Variants in NR6A1 observed in about 807,000 individuals in gnomAD.
NR6A1 encodes the protein retinoic acid receptor-related testis-associated receptor.
In NR6A1, 7 loss-of-function variants were observed where a neutral mutation model predicts 59.1. The observed-to-expected ratio is 0.12, with a 90% confidence interval of 0.07 to 0.22. The LOEUF (loss-of-function observed/expected upper bound fraction) is 0.22. NR6A1 is among the 10% of genes least tolerant of loss of function. The probability of loss-of-function intolerance (pLI) is 1.00; values close to 1 mark genes in which losing one functional copy is unlikely to be tolerated. For synonymous variants in NR6A1, 243 were observed against 236.1 expected (o/e 1.03, Z -0.27); for missense variants, 468 against 611.6 (o/e 0.77, Z 2.48).
intron 2 of NR6A1, among the ~76,000 whole-genome samples, chr9:124,687,778 A>T (rs549926165): frequency 6.6e-6 from 1 of 152,340 alleles, no homozygotes; most frequent in African/African-American, 2.4e-5. Flanking sequence ...GTGGGGGCAG[A>T]TGGGAAACTT....
At chr9:124,628,008 G>A (rs1370333965) in intron 2 of NR6A1, among the ~76,000 whole-genome samples, 1 of 149,354 alleles carries the variant, frequency 6.7e-6, no homozygotes. Flanking sequence ...ACTTTGTTTG[G>A]CCTTTGCTTT....
intron 1 of NR6A1, among the ~76,000 whole-genome samples, chr9:124,755,014 G>A (rs1233723202): frequency 2.0e-5 from 3 of 152,062 alleles, no homozygotes; most frequent in African/African-American, 7.2e-5. Context: ...CAAGTCTAAC[G>A]TTAAAGCTCA....
chr9:124,690,013 G>GTAA (rs1838474316), intron 2 of NR6A1, among the ~76,000 whole-genome samples: 2 of 152,152 alleles, frequency 1.3e-5, no homozygotes, highest in African/African-American at 2.4e-5. Context: ...GGATGAATCA[G>GTAA]AAAACTAGCA....
chr9:124,607,692 T>C (rs1024493134), intron 2 of NR6A1, among the ~76,000 whole-genome samples: 4 of 152,282 alleles, frequency 2.6e-5, no homozygotes, highest in African/African-American at 9.6e-5. Flanking sequence ...ACACAATGCC[T>C]GGCAAACAGT....
intron 2 of NR6A1, among the ~76,000 whole-genome samples, chr9:124,682,193 G>T (rs1838186346): frequency 6.6e-6 from 1 of 151,902 alleles, no homozygotes; most frequent in Admixed American, 6.6e-5. Flanking sequence ...GTAGAGACAG[G>T]GTTTCACCAT....
intron 2 of NR6A1, among the ~76,000 whole-genome samples, chr9:124,600,914 A>G (rs1835426513): frequency 6.6e-6 from 1 of 151,932 alleles, no homozygotes; most frequent in Non-Finnish European, 1.5e-5. Flanking sequence ...TTGTAATGCC[A>G]ATGCTATGTA....
intron 2 of NR6A1, among the ~76,000 whole-genome samples, chr9:124,719,565 G>A (rs1179408727): frequency 6.6e-6 from 1 of 152,106 alleles, no homozygotes; most frequent in African/African-American, 2.4e-5. Flanking sequence ...AGCAGGAAAC[G>A]TAAATGGGTA....
Position 124,522,518 on chromosome 9 carries a change from G to A in NR6A1, c.*187C>T, listed in dbSNP as rs566490839. The A allele has an allele frequency of 2.4e-5, 11 of 461,140 alleles. No individual in the cohort carries two copies. The highest frequency in any genetic ancestry group is 2.2e-4 in the East Asian group (6 of 27,816). The allele number at this position is 461,140 out of a possible 1,614,324, so 28.6% of individuals were successfully genotyped here. A position where few individuals can be genotyped will look rare whatever the true frequency, so the allele number is the denominator to read the frequency against. On this transcript the variant is annotated 3_prime_UTR_variant, in exon 10 of 10. Transcript: ENST00000487099. Reference sequence around the variant, plus strand: ...TGAAGGCCATACATTCAACTCTGTCGTGAAATAAATATATAGAAAAATGAG... The same window carrying A: ...TGAAGGCCATACATTCAACTCTGTCATGAAATAAATATATAGAAAAATGAG...
intron 2 of NR6A1, among the ~76,000 whole-genome samples, chr9:124,699,620 T>C (rs1368963023): frequency 6.6e-6 from 1 of 152,270 alleles, no homozygotes; most frequent in Non-Finnish European, 1.5e-5. Flanking sequence ...AATATTTCTT[T>C]AAACAGCTTT....
intron 2 of NR6A1, among the ~76,000 whole-genome samples, chr9:124,684,977 T>C (rs1006190488): frequency 1.3e-5 from 2 of 150,748 alleles, no homozygotes; most frequent in Non-Finnish European, 3.0e-5. Flanking sequence ...AGATGGCCAA[T>C]AGGAAACTTC....
At chr9:124,707,439 A>G (rs183790091) in intron 2 of NR6A1, among the ~76,000 whole-genome samples, 2 of 151,768 alleles carry the variant, frequency 1.3e-5, no homozygotes, top group South Asian at 2.1e-4. Context: ...TTTCTCTGGA[A>G]TATCTGTAAT....
At chr9:124,526,284 GTGTA>G (rs1321310848) in intron 8 of NR6A1, among the ~76,000 whole-genome samples, 82 of 144,762 alleles carry the variant, frequency 5.7e-4, no homozygotes, top group Non-Finnish European at 9.3e-4. Flanking sequence ...GTGTGTATGT[GTGTA>G]TGTGTGTGTG....
intron 2 of NR6A1, among the ~76,000 whole-genome samples, chr9:124,609,524 G>A (rs1394632111): frequency 6.6e-6 from 1 of 152,184 alleles, no homozygotes; most frequent in Non-Finnish European, 1.5e-5. Flanking sequence ...TTATAGTCTA[G>A]TTTGAAGTCA....
chr9:124,554,240 A>G, intron 3 of NR6A1, 88 bp downstream of exon 3: 1 of 1,590,056 alleles, frequency 6.3e-7, no homozygotes, highest in Non-Finnish European at 8.6e-7. Context: ...ATGTAGTGCA[A>G]GCTTGAGGAA....
chr9:124,582,945 A>G (rs1245834235), intron 2 of NR6A1, among the ~76,000 whole-genome samples: 3 of 152,020 alleles, frequency 2.0e-5, no homozygotes, highest in East Asian at 1.9e-4. Flanking sequence ...ACACAAATCT[A>G]TATTCACAGA....
chr9:124,615,127 G>A (rs1449449095), intron 2 of NR6A1, among the ~76,000 whole-genome samples: 2 of 152,186 alleles, frequency 1.3e-5, no homozygotes, highest in Non-Finnish European at 2.9e-5. Flanking sequence ...AGAATGCTCA[G>A]ATGAATGCAG....
intron 2 of NR6A1, among the ~76,000 whole-genome samples, chr9:124,611,774 A>AAT (rs1554733162): frequency 1.8e-4 from 19 of 105,668 alleles, no homozygotes; most frequent in African/African-American, 8.9e-4. Flanking sequence ...AGAGAGAGAG[A>AAT]GAGAGAGAAT....
intron 2 of NR6A1, among the ~76,000 whole-genome samples, chr9:124,637,996 G>A (rs1482352726): frequency 1.3e-5 from 2 of 151,872 alleles, no homozygotes; most frequent in African/African-American, 2.4e-5. Context: ...TGTAATCCCA[G>A]CACTGTGGGA....
At chr9:124,555,856 G>T (rs751617120) in intron 2 of NR6A1, among the ~76,000 whole-genome samples, 1 of 152,132 alleles carries the variant, frequency 6.6e-6, no homozygotes, top group Non-Finnish European at 1.5e-5. Flanking sequence ...TTTGATAACT[G>T]TCAGCTATTA....
Sources: allele counts gnomAD v4.1 joint callset (sites outside exome capture counted in the v4.1 genomes callset), GRCh38; gene constraint gnomAD v4.1.1; transcripts MANE v1.5; gene names NCBI Gene and HGNC (gene_info 2026-07-23, HGNC 2026-07-21).